Variants in NFX1 observed in about 807,000 individuals in gnomAD.
The protein encoded by NFX1 is nuclear transcription factor, X-box binding 1.
A neutral mutation model predicts 137.2 loss-of-function variants in NFX1; 69 were observed. The ratio of observed to expected loss-of-function variants is 0.50; its 90% CI spans 0.41 to 0.61. The LOEUF is 0.61. Among genes scored for constraint, NFX1 ranks in the 20% least tolerant of loss-of-function variants. The pLI is 0.00. For missense variants in NFX1, 1,167 were observed against 1,391.0 expected (o/e 0.84, Z 2.56); for synonymous variants, 495 against 474.1 (o/e 1.04, Z -0.57).
At chr9:33,339,608 T>C (rs1587857146) in intron 12 of NFX1, among the ~76,000 whole-genome samples, 1 of 152,294 alleles carries the variant, frequency 6.6e-6, no homozygotes, top group East Asian at 1.9e-4. Flanking sequence ...CCCAAAGTCT[T>C]AACTCATTTC....
chr9:33,362,986 G>C (rs1177307850), intron 19 of NFX1, among the ~76,000 whole-genome samples: 1 of 151,950 alleles, frequency 6.6e-6, no homozygotes, highest in Non-Finnish European at 1.5e-5. Flanking sequence ...TTACAGGCGT[G>C]AGCCACCGTA....
In NFX1 at chr9:33,319,020, C is replaced by T; in HGVS notation, c.1799C>T (p.Pro600Leu). 2 of 1,614,226 alleles carry T rather than the reference C, an allele frequency of 1.2e-6. No individual in the cohort carries two copies. Among genetic ancestry groups the T allele is most frequent in the Non-Finnish European group, 1.7e-6 (2 of 1,180,034 alleles). The change falls in exon 9 of 24, where the codon CCT becomes CTT. Residue 600 changes from proline (P) to leucine (L), a missense_variant. This residue lies in a region of NFX1 where 488 missense variants were observed against 691.5 expected (regional missense o/e 0.71). Transcript: ENST00000379540. ...CGCTGTTGCCCCTGTGGCCAAACTC[C>T]TCTCAGCCAATTGCTAGAACTTGGA... is the stretch of plus-strand genomic sequence containing the variant. The part of the protein sequence containing the change: ...LVRCCPCGQT[P>L]LSQLLELGSS...
At position 33,319,037 on chromosome 9, in the gene NFX1, G is replaced by C. The variant is rs754481079; in HGVS notation, c.1816G>C (p.Glu606Gln). The change falls in exon 9 of 24, where the codon GAA (glutamate) becomes CAA (glutamine). Residue 606 changes from glutamate (E) to glutamine (Q), a missense_variant. Transcript: ENST00000379540. ...CGQTPLSQLL[E>Q]LGSSSRKTCM... ...CCAAACTCCTCTCAGCCAATTGCTAGAACTTGGAAGTAGTAGTCGGAAAAC... is the reference window on the plus strand; with the variant it reads ...CCAAACTCCTCTCAGCCAATTGCTACAACTTGGAAGTAGTAGTCGGAAAAC... 6.2e-7 allele frequency: 1 copy of C among 1,614,076 alleles called. No individual in the cohort carries two copies. The highest frequency in any genetic ancestry group is 1.3e-5 in the African/African-American group (1 of 74,918).
At chr9:33,347,678 G>A in intron 15 of NFX1, 1 of 429,438 alleles carries the variant, frequency 2.3e-6, no homozygotes, top group Non-Finnish European at 4.7e-6. Context: ...CCACTACTGG[G>A]CGTCTACCCA....
At chr9:33,292,546 A>G (rs1028603881) in intron 1 of NFX1, among the ~76,000 whole-genome samples, 2 of 152,208 alleles carry the variant, frequency 1.3e-5, no homozygotes, top group African/African-American at 4.8e-5. Context: ...ACTAACTTCC[A>G]GCTACTTGAA....
chr9:33,362,699 T>G (rs1361291022), intron 19 of NFX1, among the ~76,000 whole-genome samples: 1 of 138,460 alleles, frequency 7.2e-6, no homozygotes. Flanking sequence ...GTGGTTTTTT[T>G]TTTTTTTTTT....
At chr9:33,313,207 A>T (rs1404565498) in intron 6 of NFX1, among the ~76,000 whole-genome samples, 1 of 152,178 alleles carries the variant, frequency 6.6e-6, no homozygotes, top group Non-Finnish European at 1.5e-5. Context: ...ACATAAAGCA[A>T]ATACTCAGGA....
chr9:33,342,625 A>G (rs568369548), intron 12 of NFX1, 121 bp from the exon 13 acceptor site: 10 of 715,302 alleles, frequency 1.4e-5, no homozygotes, highest in Non-Finnish European at 2.3e-5. Flanking sequence ...TTTTGAAGGT[A>G]TTTCCAGATA....
At chr9:33,303,125 A>AT in intron 3 of NFX1, 66 bp from the exon 4 acceptor site, 3 of 1,288,712 alleles carry the variant, frequency 2.3e-6, no homozygotes, top group Non-Finnish European at 3.4e-6. Context: ...ATAGATTTAA[A>AT]TTTTTTTAAT....
Position 33,295,016 on chromosome 9 carries a change from A to T in NFX1, c.622A>T (p.Thr208Ser), listed in dbSNP as rs764516387. The T allele has an allele frequency of 9.9e-6, 16 of 1,614,094 alleles. No individual in the cohort carries two copies. The African/African-American group carries it at 2.0e-4, about 20-fold the overall frequency. Residue 208 changes from threonine (T) to serine (S), a missense_variant, in exon 2 of 24, where the codon ACC becomes TCC. This residue lies in a region of NFX1 where 367 missense variants were observed against 386.7 expected (regional missense o/e 0.95). Transcript: ENST00000379540. ...ACCGGAGGATGCTGGACCCGAAAGT[A>T]CCAAACCTGTGGGGGTTTTCCACCC... ...PKPEDAGPES[T>S]KPVGVFHPDS...
intron 19 of NFX1, among the ~76,000 whole-genome samples, chr9:33,360,512 A>T (rs921251769): frequency 1.3e-5 from 2 of 152,236 alleles, no homozygotes; most frequent in Non-Finnish European, 2.9e-5. Flanking sequence ...AATCTTGGTG[A>T]TGACATAATG....
chr9:33,330,268 G>A (rs541187680), intron 10 of NFX1, among the ~76,000 whole-genome samples: 8 of 152,306 alleles, frequency 5.3e-5, no homozygotes, highest in Admixed American at 2.6e-4. Context: ...ATTGTGAACC[G>A]TTGGTTCTGT....
intron 15 of NFX1, 83 bp downstream of exon 15, chr9:33,347,200 G>C (rs1823454678): frequency 9.2e-7 from 1 of 1,085,866 alleles, no homozygotes; most frequent in Non-Finnish European, 1.4e-6. Context: ...CTCATCGTCT[G>C]TCAAAGTAAA....
At chr9:33,333,558 A>G (rs1198711072) in intron 11 of NFX1, among the ~76,000 whole-genome samples, 1 of 152,220 alleles carries the variant, frequency 6.6e-6, no homozygotes, top group African/African-American at 2.4e-5. Context: ...CCTATGTAAG[A>G]GCAAGGAAAA....
intron 7 of NFX1, among the ~76,000 whole-genome samples, chr9:33,317,200 C>T (rs906631710): frequency 2.0e-5 from 3 of 150,102 alleles, no homozygotes; most frequent in African/African-American, 7.4e-5. Context: ...GGGCTGATCA[C>T]TTGAGCCCAG....
intron 2 of NFX1, among the ~76,000 whole-genome samples, chr9:33,295,971 C>A (rs1276315831): frequency 6.6e-6 from 1 of 152,132 alleles, no homozygotes; most frequent in Non-Finnish European, 1.5e-5. Flanking sequence ...CTCACTGTTG[C>A]CCAGGCTAGA....
rs77577339 is a variant in NFX1, at chr9:33,304,240, C to A, written c.1270+972C>A. On this transcript the variant is annotated intron_variant, in intron 4 of 23. Coordinates refer to ENST00000379540, the MANE Select transcript of NFX1 (RefSeq NM_002504.6). ...TCATGCCATTGCACTCCAGCCTGGG[C>A]GACAGAGTGAGACTCCATCTCAAAA... 2.8e-3 allele frequency among the ~76,000 whole-genome samples: 424 copies of A among 152,128 alleles called. 11 individuals are homozygous for A. In the East Asian group the frequency reaches 0.062, roughly 22 times the overall value.
Position 33,328,767 on chromosome 9 carries a change from T to C in NFX1, c.2004+89T>C, listed in dbSNP as rs1049327688. ...AGGGGAGGAATCAAAATAACCTCAG[T>C]AGATTAGGTATGGGAAGTGGTTGTG... is the stretch of plus-strand genomic sequence containing the variant. On this transcript the variant is annotated intron_variant, in intron 10 of 23. Transcript: ENST00000379540. The C allele has an allele frequency of 8.4e-6, 9 of 1,067,282 alleles. No individual in the cohort carries two copies. In the African/African-American group the frequency reaches 1.4e-4, roughly 17 times the overall value. 66.1% of individuals were successfully genotyped at this position (1,067,282 alleles called of 1,614,324 possible).
At position 33,302,967 on chromosome 9, in the gene NFX1, C is replaced by CT. The variant is rs35723578; in HGVS notation, c.1193-205dup. Among the ~76,000 whole-genome samples, 220 of 119,270 alleles carry CT rather than the reference C, an allele frequency of 1.8e-3. 1 individual carries two copies. The highest frequency in any genetic ancestry group is 4.7e-3 in the Middle Eastern group (1 of 214). The allele number at this position is 119,270 out of a possible 152,430, so 78.2% of individuals were successfully genotyped here. On this transcript the variant is annotated intron_variant, in intron 3 of 23. Transcript: ENST00000379540. The stretch of plus-strand genomic sequence containing the variant: ...ATAGGCATGAGCCACCACACCTGGC[C>CT]TTTTTTTTTTTTTTTTTTTAATGAA...
Sources: gnomAD v4.1 joint callset for allele counts (sites outside exome capture counted in the v4.1 genomes callset) on GRCh38, gnomAD v4.1.1 for gene constraint, gnomAD v4.1.1 regional missense constraint, MANE v1.5 for transcripts, NCBI Gene and HGNC (gene_info 2026-07-23, HGNC 2026-07-21) for gene names.